Variants in FSTL4 observed in about 807,000 individuals in gnomAD.
The protein encoded by FSTL4 is follistatin like 4, also known as follistatin-related protein 4.
A neutral mutation model predicts 78.2 loss-of-function variants in FSTL4; 28 were observed. The ratio of observed to expected loss-of-function variants is 0.36; its 90% CI spans 0.27 to 0.49. FSTL4 has a LOEUF of 0.49. Among genes scored for constraint, FSTL4 ranks in the 20% least tolerant of loss-of-function variants. FSTL4 has a pLI of 0.98. For missense variants in FSTL4, 922 were observed against 1,084.9 expected, an observed-to-expected ratio of 0.85 and a Z score of 2.11; for synonymous variants, 422 against 440.5, an observed-to-expected ratio of 0.96 and a Z score of 0.53.
At chr5:133,590,870 C>T (rs982251610) in intron 2 of FSTL4, among the ~76,000 whole-genome samples, 2 of 152,204 alleles carry the variant, frequency 1.3e-5, no homozygotes, top group African/African-American at 2.4e-5. Context: ...TTGCTGCATA[C>T]TCCCATGGTG....
chr5:133,715,671 C>G, the FSTL4 span, among the ~76,000 whole-genome samples: 34 of 152,188 alleles, frequency 2.2e-4, no homozygotes, highest in African/African-American at 4.8e-5. Flanking sequence ...CCACAGGACT[C>G]TTTATTTTTC....
chr5:133,680,302 G>C, the FSTL4 span, among the ~76,000 whole-genome samples: 2 of 152,138 alleles, frequency 1.3e-5, no homozygotes, highest in African/African-American at 4.8e-5. Context: ...ACCATCCTCC[G>C]CACTCTATAG....
chr5:133,682,615 T>G, the FSTL4 span, among the ~76,000 whole-genome samples: 7 of 152,190 alleles, frequency 4.6e-5, no homozygotes, highest in Non-Finnish European at 7.4e-5. Context: ...ACAACCCAAT[T>G]TGTGCACCAT....
At chr5:133,554,391 G>A (rs867062793) in intron 3 of FSTL4, among the ~76,000 whole-genome samples, 20 of 152,172 alleles carry the variant, frequency 1.3e-4, no homozygotes, top group African/African-American at 2.9e-4. Context: ...CATGACACTC[G>A]CGTCCTAATG....
chr5:133,459,425 G>A (rs191455481), intron 3 of FSTL4, among the ~76,000 whole-genome samples: 22 of 152,188 alleles, frequency 1.4e-4, no homozygotes, highest in Admixed American at 6.5e-4. Flanking sequence ...TAAATATGAC[G>A]AGGATTAGAT....
At chr5:133,834,492 T>C in the FSTL4 span, among the ~76,000 whole-genome samples, 1 of 143,970 alleles carries the variant, frequency 6.9e-6, no homozygotes, top group Non-Finnish European at 1.5e-5. Flanking sequence ...TGCCATACAT[T>C]ATATGAGCCT....
chr5:133,746,257 A>C, the FSTL4 span, among the ~76,000 whole-genome samples: 1 of 152,222 alleles, frequency 6.6e-6, no homozygotes, highest in African/African-American at 2.4e-5. Flanking sequence ...TCTGAAGATC[A>C]CATCAGTTAG....
intron 1 of FSTL4, 117 bp from the exon 2 acceptor site, chr5:133,604,110 C>A: frequency 2.8e-6 from 2 of 710,434 alleles, no homozygotes; most frequent in Non-Finnish European, 2.4e-6. Context: ...ATCCTGGCAC[C>A]AAACTTCTGT....
At chr5:133,782,373 C>T in the FSTL4 span, among the ~76,000 whole-genome samples, 8 of 152,248 alleles carry the variant, frequency 5.3e-5, no homozygotes, top group East Asian at 1.5e-3. Context: ...AATCACTTTT[C>T]CACCTTCTGC....
At chr5:133,240,668 C>T (rs1005161376) in intron 7 of FSTL4, among the ~76,000 whole-genome samples, 5 of 152,212 alleles carry the variant, frequency 3.3e-5, no homozygotes, top group East Asian at 3.9e-4. Context: ...TATCTCTTAG[C>T]GCATGACTCA....
the FSTL4 span, among the ~76,000 whole-genome samples, chr5:133,645,188 T>C: frequency 6.6e-6 from 1 of 152,214 alleles, no homozygotes; most frequent in Non-Finnish European, 1.5e-5. Flanking sequence ...ATTCTTTTGC[T>C]TCAGGGGTCT....
chr5:133,233,331 C>G (rs1751552051), intron 8 of FSTL4, 86 bp downstream of exon 8: 4 of 1,419,240 alleles, frequency 2.8e-6, no homozygotes, highest in Non-Finnish European at 3.9e-6. Flanking sequence ...TTTAAGAAGA[C>G]AGAATACAGG....
rs780331891 is a variant in FSTL4, at chr5:133,220,886, T to G, written c.1340-20A>C. The G allele has an allele frequency of 3.5e-6, 5 of 1,417,172 alleles. No individual in the cohort carries two copies. Among genetic ancestry groups the G allele is most frequent in the Non-Finnish European group, 5.0e-6 (5 of 1,000,324 alleles). 87.8% of individuals were successfully genotyped at this position (1,417,172 alleles called of 1,614,324 possible). Reference sequence around the variant, plus strand: ...TGAGGCCTGGGAGGAGCAAATGGAATGGGCATGCCCTCCAAGCAGTCGGCC... The same window carrying G: ...TGAGGCCTGGGAGGAGCAAATGGAAGGGGCATGCCCTCCAAGCAGTCGGCC... On this transcript the variant is annotated intron_variant, in intron 11 of 15. Coordinates refer to ENST00000265342, the MANE Select transcript of FSTL4 (RefSeq NM_015082.2).
the FSTL4 span, among the ~76,000 whole-genome samples, chr5:133,766,047 G>A: frequency 1.3e-5 from 2 of 152,138 alleles, no homozygotes; most frequent in Non-Finnish European, 2.9e-5. Context: ...CTGAGGAGGG[G>A]ACCCATAAGG....
the FSTL4 span, among the ~76,000 whole-genome samples, chr5:133,828,606 C>T: frequency 2.0e-5 from 3 of 152,226 alleles, no homozygotes; most frequent in African/African-American, 7.2e-5. Flanking sequence ...GTCACACCCT[C>T]AGCCAATTCT....
chr5:133,292,963 T>C (rs1178949478), intron 6 of FSTL4, among the ~76,000 whole-genome samples: 2 of 152,274 alleles, frequency 1.3e-5, no homozygotes, highest in African/African-American at 2.4e-5. Flanking sequence ...TTCTGAGAGA[T>C]AACAATGTTG....
At chr5:133,237,886 G>T (rs566824383) in intron 7 of FSTL4, among the ~76,000 whole-genome samples, 95 of 148,304 alleles carry the variant, frequency 6.4e-4, no homozygotes, top group Admixed American at 1.4e-3. Context: ...GCATAGAACT[G>T]TATTAGCAAA....
At chr5:133,719,316 T>C in the FSTL4 span, among the ~76,000 whole-genome samples, 1 of 152,246 alleles carries the variant, frequency 6.6e-6, no homozygotes, top group African/African-American at 2.4e-5. Context: ...ATTAAATATA[T>C]AGAAAAATAA....
intron 7 of FSTL4, among the ~76,000 whole-genome samples, chr5:133,237,784 C>A (rs1308893756): frequency 6.6e-6 from 1 of 151,690 alleles, no homozygotes; most frequent in Non-Finnish European, 1.5e-5. Context: ...CCTGAATGTT[C>A]TTTGAGATGC....
Sources: allele counts gnomAD v4.1 joint callset (sites outside exome capture counted in the v4.1 genomes callset), GRCh38; gene constraint gnomAD v4.1.1; transcripts MANE v1.5; gene names NCBI Gene and HGNC (gene_info 2026-07-23, HGNC 2026-07-21).